EDIL3: variants seen among roughly 807,000 people sequenced by gnomAD.
The protein encoded by EDIL3 is EGF like and discoidin domains 3.
In EDIL3, 37 loss-of-function variants were observed where a neutral mutation model predicts 67.4. The observed-to-expected ratio is 0.55, with a 90% CI of 0.42 to 0.72. EDIL3 has a LOEUF of 0.72. Ranked by LOEUF, EDIL3 falls within the 30% of genes least tolerant of loss-of-function variation. The pLI is 0.00. For missense variants in EDIL3, 527 were observed against 586.3 expected (o/e 0.90, Z 1.04); for synonymous variants, 195 against 196.3 (o/e 0.99, Z 0.05).
At chr5:84,316,923 G>C (rs1041102185) in intron 1 of EDIL3, among the ~76,000 whole-genome samples, 18 of 152,134 alleles carry the variant, frequency 1.2e-4, no homozygotes, top group African/African-American at 4.3e-4. Flanking sequence ...TCAGACCACA[G>C]TACAATCAAA....
At chr5:84,239,359 C>T (rs1021161634) in intron 2 of EDIL3, among the ~76,000 whole-genome samples, 1 of 152,134 alleles carries the variant, frequency 6.6e-6, no homozygotes, top group Non-Finnish European at 1.5e-5. Context: ...TATTACCTGT[C>T]TTGTTTAGGC....
chr5:84,237,453 T>C (rs1358398837), intron 2 of EDIL3, among the ~76,000 whole-genome samples: 2 of 152,106 alleles, frequency 1.3e-5, no homozygotes, highest in East Asian at 3.9e-4. Flanking sequence ...GAAGTATATT[T>C]ATTAAATCAC....
chr5:84,306,156 T>C (rs1230663436), intron 1 of EDIL3, among the ~76,000 whole-genome samples: 1 of 152,164 alleles, frequency 6.6e-6, no homozygotes, highest in East Asian at 1.9e-4. Flanking sequence ...TGAGGCCTTC[T>C]AGCTATATTT....
At chr5:84,132,417 T>A (rs1747996438) in intron 5 of EDIL3, among the ~76,000 whole-genome samples, 3 of 116,166 alleles carry the variant, frequency 2.6e-5, no homozygotes, top group African/African-American at 3.8e-5. Context: ...TTAACATATA[T>A]TATATATTTT....
At chr5:83,970,256 T>TTATATATATCTATATATATATATATATA (rs1744767588) in intron 9 of EDIL3, among the ~76,000 whole-genome samples, 1 of 128,534 alleles carries the variant, frequency 7.8e-6, no homozygotes, top group Non-Finnish European at 1.6e-5. Context: ...GTGTCACTAA[T>TTATATATATCTATATATATATATATATA]TATATATATA....
intron 1 of EDIL3, among the ~76,000 whole-genome samples, chr5:84,354,223 C>A (rs1747424574): frequency 6.6e-6 from 1 of 151,854 alleles, no homozygotes; most frequent in Non-Finnish European, 1.5e-5. Flanking sequence ...CAAGAATGCA[C>A]AGTAACACTA....
At position 84,182,318 on chromosome 5, in the gene EDIL3, T is replaced by C. The variant is rs547760265; in HGVS notation, c.227-1797A>G. Among the ~76,000 whole-genome samples, 31 of 150,574 alleles carry C rather than the reference T, an allele frequency of 2.1e-4. No homozygotes were observed. In the South Asian group the frequency reaches 4.0e-3, roughly 19 times the overall value. On this transcript the variant is annotated intron_variant, in intron 3 of 10. Coordinates refer to ENST00000296591, the MANE Select transcript of EDIL3 (RefSeq NM_005711.5). ...ACACACACACACACAAATCCAGGCATGCTGGTGTGCACCTGTAGTCCCAGC... is the reference window on the plus strand; with the variant it reads ...ACACACACACACACAAATCCAGGCACGCTGGTGTGCACCTGTAGTCCCAGC...
intron 1 of EDIL3, among the ~76,000 whole-genome samples, chr5:84,377,269 C>T (rs1747987064): frequency 6.7e-6 from 1 of 148,302 alleles, no homozygotes; most frequent in Non-Finnish European, 1.5e-5. Context: ...GTTGAGATCG[C>T]GCCACTGCAC....
chr5:84,333,233 C>A (rs1393735991), intron 1 of EDIL3, among the ~76,000 whole-genome samples: 1 of 152,058 alleles, frequency 6.6e-6, no homozygotes, highest in Non-Finnish European at 1.5e-5. Context: ...TAATTATGAA[C>A]ATACGAATTT....
chr5:83,979,009 A>G (rs527499685), intron 9 of EDIL3, among the ~76,000 whole-genome samples: 32 of 152,240 alleles, frequency 2.1e-4, no homozygotes, highest in African/African-American at 2.6e-4. Context: ...ATCAAAAGAA[A>G]ACATAGAGTC....
At chr5:84,200,115 T>C (rs1032495093) in intron 3 of EDIL3, among the ~76,000 whole-genome samples, 3 of 152,082 alleles carry the variant, frequency 2.0e-5, no homozygotes, top group African/African-American at 7.2e-5. Flanking sequence ...ATTTAGGATA[T>C]GAGTTATAGA....
At position 84,180,482 on chromosome 5, in the gene EDIL3, C is replaced by T; in HGVS notation, c.266G>A (p.Cys89Tyr). The change falls in exon 4 of 11, where the codon TGT becomes TAT. Residue 89 changes from cysteine (C) to tyrosine (Y), a missense_variant. Coordinates refer to ENST00000296591, the MANE Select transcript of EDIL3 (RefSeq NM_005711.5). ...TPNPCHNGGT[C>Y]EISEAYRGDT... is the part of the protein sequence containing the mutation. Reference sequence around the variant, plus strand: ...CCCTCGGTATGCTTCACTTATTTCACAGGTTCCTCCATTATGGCATGGATT... The same window carrying T: ...CCCTCGGTATGCTTCACTTATTTCATAGGTTCCTCCATTATGGCATGGATT... 1 of 1,607,676 alleles carries T rather than the reference C, an allele frequency of 6.2e-7. No homozygotes were observed. Among genetic ancestry groups the T allele is most frequent in the Non-Finnish European group, 8.5e-7 (1 of 1,176,874 alleles).
At chr5:84,041,557 T>C (rs909355139) in intron 9 of EDIL3, among the ~76,000 whole-genome samples, 2 of 147,650 alleles carry the variant, frequency 1.4e-5, no homozygotes, top group African/African-American at 4.9e-5. Context: ...CATATATATA[T>C]ACATATATAG....
At chr5:84,071,509 T>C (rs1002741750) in intron 6 of EDIL3, among the ~76,000 whole-genome samples, 2 of 152,142 alleles carry the variant, frequency 1.3e-5, no homozygotes, top group Non-Finnish European at 2.9e-5. Context: ...TAAGAACCAA[T>C]TGGTGATACT....
intron 5 of EDIL3, among the ~76,000 whole-genome samples, chr5:84,124,924 A>C (rs1165629873): frequency 3.3e-5 from 5 of 152,028 alleles, no homozygotes; most frequent in Non-Finnish European, 7.4e-5. Context: ...AGGTACACTT[A>C]TAAACTGACT....
chr5:84,249,391 C>G (rs1744976228), intron 2 of EDIL3, among the ~76,000 whole-genome samples: 1 of 146,224 alleles, frequency 6.8e-6, no homozygotes, highest in Non-Finnish European at 1.5e-5. Flanking sequence ...ATCTATCTAT[C>G]TATCTATCTA....
intron 4 of EDIL3, among the ~76,000 whole-genome samples, chr5:84,144,462 A>T (rs1023015770): frequency 3.9e-5 from 6 of 152,132 alleles, no homozygotes; most frequent in African/African-American, 1.4e-4. Context: ...GGGCTATAAC[A>T]GGAAAATGCA....
chr5:83,956,566 C>T (rs1395581657), intron 10 of EDIL3, among the ~76,000 whole-genome samples: 2 of 151,794 alleles, frequency 1.3e-5, no homozygotes, highest in Non-Finnish European at 2.9e-5. Context: ...AAACCACTTT[C>T]ACTTTGCTAA....
chr5:84,006,374 A>C (rs1405786288), intron 9 of EDIL3, among the ~76,000 whole-genome samples: 1 of 152,002 alleles, frequency 6.6e-6, no homozygotes, highest in African/African-American at 2.4e-5. Context: ...AAAACAAAAC[A>C]AAACAAAACA....
Sources: allele counts gnomAD v4.1 joint callset (sites outside exome capture counted in the v4.1 genomes callset), GRCh38; gene constraint gnomAD v4.1.1; transcripts MANE v1.5; gene names NCBI Gene and HGNC (gene_info 2026-07-23, HGNC 2026-07-21).